Variants in UGT1A9 observed in about 807,000 individuals in gnomAD.
UGT1A9 encodes UDP glucuronosyltransferase family 1 member A9, also known as UDP-glucuronosyltransferase 1A9.
A neutral mutation model predicts 45.0 loss-of-function variants in UGT1A9; 35 were observed. The observed-to-expected ratio is 0.78, with a 90% CI of 0.59 to 1.03. UGT1A9 has a LOEUF of 1.03. Ranked by LOEUF, UGT1A9 falls within the 50% of genes least tolerant of loss-of-function variation. UGT1A9 has a pLI of 0.00. For synonymous variants in UGT1A9, 278 were observed against 250.6 expected, an observed-to-expected ratio of 1.11 and a Z score of -1.03; for missense variants, 687 against 666.6, an observed-to-expected ratio of 1.03 and a Z score of -0.34.
intron 1 of UGT1A9, among the ~76,000 whole-genome samples, chr2:233,757,478 C>G (rs1489873843): frequency 4.1e-5 from 6 of 146,266 alleles, no homozygotes; most frequent in Non-Finnish European, 1.5e-5. Flanking sequence ...TCTCCAAAAC[C>G]ATGGACTGGC....
intron 1 of UGT1A9, chr2:233,721,911 G>T: frequency 2.3e-6 from 1 of 435,688 alleles, no homozygotes; most frequent in Non-Finnish European, 4.6e-6. Context: ...GGTGCACACT[G>T]CTTCCATAAA....
chr2:233,711,236 A>G (rs1269842437), intron 1 of UGT1A9, among the ~76,000 whole-genome samples: 2 of 152,194 alleles, frequency 1.3e-5, no homozygotes, highest in Non-Finnish European at 2.9e-5. Flanking sequence ...TGAAGGCACC[A>G]CCATCTTCCA....
At chr2:233,719,486 C>T (rs781372953) in intron 1 of UGT1A9, 4 of 1,614,016 alleles carry the variant, frequency 2.5e-6, no homozygotes, top group East Asian at 2.2e-5. Context: ...CCCTGTCCTA[C>T]ATTTGCCATA....
intron 1 of UGT1A9, chr2:233,754,902 A>G: frequency 7.4e-7 from 1 of 1,352,320 alleles, no homozygotes. Flanking sequence ...CTGACCCCCC[A>G]AAATATTCTC....
intron 1 of UGT1A9, among the ~76,000 whole-genome samples, chr2:233,679,063 A>C (rs10207520): frequency 0.3 from 45,512 of 151,864 alleles, 7,096 homozygotes; most frequent in South Asian, 0.4. Context: ...ATTCTCTTCC[A>C]TAGTATTGAC....
chr2:233,690,371 T>C, intron 1 of UGT1A9: 1 of 873,752 alleles, frequency 1.1e-6, no homozygotes, highest in Non-Finnish European at 1.6e-6. Context: ...AACCTCTCCA[T>C]AGGGTCCACG....
intron 1 of UGT1A9, among the ~76,000 whole-genome samples, chr2:233,730,665 G>A (rs752963850): frequency 1.3e-5 from 2 of 152,252 alleles, no homozygotes; most frequent in African/African-American, 4.8e-5. Flanking sequence ...AGTTCGGAAG[G>A]CAAAGTAATG....
intron 4 of UGT1A9, among the ~76,000 whole-genome samples, chr2:233,772,038 A>G (rs892272267): frequency 1.3e-5 from 2 of 152,202 alleles, no homozygotes; most frequent in African/African-American, 4.8e-5. Flanking sequence ...GCTTGAGCCC[A>G]GGAGTTGGAG....
At chr2:233,731,679 T>G (rs2078190648) in intron 1 of UGT1A9, among the ~76,000 whole-genome samples, 1 of 152,262 alleles carries the variant, frequency 6.6e-6, no homozygotes, top group East Asian at 1.9e-4. Flanking sequence ...TAATCCAGTC[T>G]ATCATTGATG....
At chr2:233,713,564 C>T in intron 1 of UGT1A9, 1 of 1,613,960 alleles carries the variant, frequency 6.2e-7, no homozygotes, top group South Asian at 1.1e-5. Flanking sequence ...CAAACCCTTC[C>T]TCCTATATTC....
In UGT1A9 at chr2:233,681,186, C is replaced by T. The variant is rs45574033; in HGVS notation, c.855+8397C>T. The stretch of plus-strand genomic sequence containing the variant: ...CAACGCTAAGACCCTTGCTCTCTTT[C>T]CGTCGAACATGAGATGCCAATTTCT... On this transcript the variant is annotated intron_variant, in intron 1 of 4. Transcript: ENST00000354728. 1.6e-3 allele frequency among the ~76,000 whole-genome samples: 241 copies of T among 151,954 alleles called. 1 individual carries two copies. Among genetic ancestry groups the T allele is most frequent in the Middle Eastern group, 3.4e-3 (1 of 294 alleles).
chr2:233,705,870 T>G (rs2075876544), intron 1 of UGT1A9, among the ~76,000 whole-genome samples: 1 of 152,102 alleles, frequency 6.6e-6, no homozygotes, highest in Non-Finnish European at 1.5e-5. Context: ...GGCAGATCAC[T>G]TGAGGCCAGG....
At chr2:233,760,433 A>G (rs771774728) in intron 1 of UGT1A9, 1 of 1,614,234 alleles carries the variant, frequency 6.2e-7, no homozygotes, top group Non-Finnish European at 8.5e-7. Context: ...GCCATCCAGC[A>G]GCTGCAGCAG....
At chr2:233,755,243 T>G (rs1026667908) in intron 1 of UGT1A9, 19 of 851,916 alleles carry the variant, frequency 2.2e-5, no homozygotes, top group African/African-American at 5.1e-5. Flanking sequence ...ACCGGGGTAC[T>G]CCCAGCACCT....
rs1203076441 is a variant in UGT1A9, at chr2:233,734,271, G to C, written c.856-32763G>C. Among the ~76,000 whole-genome samples, 2 of 152,098 alleles carry C rather than the reference G, an allele frequency of 1.3e-5. 1 individual carries two copies. The highest frequency in any genetic ancestry group is 1.3e-4 in the Admixed American group (2 of 15,272). ...GTCTTGGGAGGGTGTATGTGTCCAG[G>C]AATTTATCCATTTCTTCTAGATTTT... On this transcript the variant is annotated intron_variant, in intron 1 of 4. Coordinates refer to ENST00000354728, the MANE Select transcript of UGT1A9 (RefSeq NM_021027.3).
At chr2:233,760,834 G>A in intron 1 of UGT1A9, 1 of 1,613,564 alleles carries the variant, frequency 6.2e-7, no homozygotes, top group Non-Finnish European at 8.5e-7. Flanking sequence ...GGAATTTGAG[G>A]CTACCCAGTG....
intron 1 of UGT1A9, among the ~76,000 whole-genome samples, chr2:233,727,780 G>A (rs1337158830): frequency 6.6e-6 from 1 of 152,168 alleles, no homozygotes. Flanking sequence ...CCCAGTAGAC[G>A]CTTCCATTCA....
At chr2:233,711,521 C>T (rs2076185051) in intron 1 of UGT1A9, among the ~76,000 whole-genome samples, 1 of 152,188 alleles carries the variant, frequency 6.6e-6, no homozygotes, top group East Asian at 1.9e-4. Context: ...TCTGTGTCCT[C>T]ACAACTCCCC....
chr2:233,710,157 C>G (rs2076114557), intron 1 of UGT1A9, among the ~76,000 whole-genome samples: 1 of 152,134 alleles, frequency 6.6e-6, no homozygotes, highest in Non-Finnish European at 1.5e-5. Flanking sequence ...TCATCATTTG[C>G]TTATGCATTT....
Sources: allele counts gnomAD v4.1 joint callset (sites outside exome capture counted in the v4.1 genomes callset), GRCh38; gene constraint gnomAD v4.1.1; transcripts MANE v1.5; gene names NCBI Gene and HGNC (gene_info 2026-07-23, HGNC 2026-07-21).